UNC5D: variants seen among roughly 807,000 people sequenced by gnomAD.
UNC5D encodes netrin receptor UNC5D.
A neutral mutation model predicts 105.4 loss-of-function variants in UNC5D; 39 were observed. The ratio of observed to expected loss-of-function variants is 0.37; its 90% confidence interval spans 0.29 to 0.48. The LOEUF is 0.48. UNC5D is among the 20% of genes least tolerant of loss of function. UNC5D has a pLI of 0.98. For missense variants in UNC5D, 991 were observed against 1,202.4 expected (o/e 0.82, Z 2.60); for synonymous variants, 452 against 450.4 (o/e 1.00, Z -0.04).
At chr8:35,770,035 C>T (rs1260311283) in intron 15 of UNC5D, among the ~76,000 whole-genome samples, 3 of 151,830 alleles carry the variant, frequency 2.0e-5, no homozygotes, top group African/African-American at 2.4e-5. Flanking sequence ...AAAGTGAAGA[C>T]GCAAAAAGTG....
intron 1 of UNC5D, among the ~76,000 whole-genome samples, chr8:35,436,020 G>T (rs1292426866): frequency 6.6e-6 from 1 of 151,976 alleles, no homozygotes; most frequent in Non-Finnish European, 1.5e-5. Context: ...TATTAAAAGT[G>T]ATTCTTAAAT....
intron 4 of UNC5D, among the ~76,000 whole-genome samples, chr8:35,614,090 T>C (rs947344250): frequency 1.3e-5 from 2 of 152,248 alleles, no homozygotes; most frequent in Non-Finnish European, 2.9e-5. Flanking sequence ...ATCTGCACAC[T>C]GTCTTTGACT....
At position 35,324,998 on chromosome 8, in the gene UNC5D, A is replaced by T. The variant is rs547075686; in HGVS notation, c.103+89111A>T. Among the ~76,000 whole-genome samples, 3 of 152,314 alleles carry T rather than the reference A, an allele frequency of 2.0e-5. No homozygotes were observed. The East Asian group carries it at 5.8e-4, about 29-fold the overall frequency. On this transcript the variant is annotated intron_variant, in intron 1 of 16. Transcript: ENST00000404895. ...CAGCACAACAGAATCTGGGATAGTC[A>T]TATTTCTCAAAGTAGAAGCAACCTT...
chr8:35,750,443 A>T, intron 12 of UNC5D, 139 bp from the exon 13 acceptor site: 2 of 843,658 alleles, frequency 2.4e-6, no homozygotes, highest in Non-Finnish European at 3.8e-6. Flanking sequence ...AGGAACAGTT[A>T]ACATCGGGAT....
intron 11 of UNC5D, among the ~76,000 whole-genome samples, chr8:35,747,621 T>C (rs1830068857): frequency 6.6e-6 from 1 of 152,074 alleles, no homozygotes; most frequent in East Asian, 1.9e-4. Context: ...ACATATGCCA[T>C]TGGGGGAAAA....
At chr8:35,773,735 T>C (rs1201201400) in intron 15 of UNC5D, among the ~76,000 whole-genome samples, 13 of 152,198 alleles carry the variant, frequency 8.5e-5, no homozygotes, top group Non-Finnish European at 2.9e-5. Context: ...TTTTGTTTTT[T>C]GTTTGAGGCG....
intron 1 of UNC5D, among the ~76,000 whole-genome samples, chr8:35,324,525 AT>A (rs1221909442): frequency 6.6e-6 from 1 of 152,134 alleles, no homozygotes; most frequent in Non-Finnish European, 1.5e-5. Flanking sequence ...TAGATTTTAC[AT>A]TTTTTATTGT....
At chr8:35,343,913 G>A (rs941268723) in intron 1 of UNC5D, among the ~76,000 whole-genome samples, 6 of 152,062 alleles carry the variant, frequency 3.9e-5, no homozygotes, top group African/African-American at 1.4e-4. Flanking sequence ...TAACCTATAC[G>A]AGAATGTCTT....
rs147311010 is a variant in UNC5D at position 35,607,374 on chromosome 8, G to T, written c.570+11717G>T. ...CAGAAGTTTATTTTCCAACAGTTCT[G>T]GGGTAGAAGTCTGAAATCCAACAGC... On this transcript the variant is annotated intron_variant, in intron 4 of 16. Coordinates refer to ENST00000404895, the MANE Select transcript of UNC5D (RefSeq NM_080872.4). 2.5e-3 allele frequency among the ~76,000 whole-genome samples: 387 copies of T among 152,226 alleles called. 1 individual carries two copies. Among genetic ancestry groups the T allele is most frequent in the Non-Finnish European group, 4.5e-3 (308 of 68,022 alleles).
At chr8:35,480,564 CAAT>C (rs1156256854) in intron 1 of UNC5D, among the ~76,000 whole-genome samples, 1 of 152,062 alleles carries the variant, frequency 6.6e-6, no homozygotes, top group African/African-American at 2.4e-5. Flanking sequence ...CAAAACAAAA[CAAT>C]AATCATTATT....
At chr8:35,559,976 G>T (rs1372564112) in intron 2 of UNC5D, among the ~76,000 whole-genome samples, 1 of 152,034 alleles carries the variant, frequency 6.6e-6, no homozygotes, top group Non-Finnish European at 1.5e-5. Context: ...TTTAGTACAT[G>T]CAGAGCAATT....
intron 9 of UNC5D, among the ~76,000 whole-genome samples, chr8:35,723,727 TA>T (rs1022310522): frequency 1.3e-5 from 2 of 152,116 alleles, no homozygotes; most frequent in African/African-American, 4.8e-5. Context: ...TTATGCTACC[TA>T]AAAAACTAGA....
At chr8:35,415,743 T>G (rs1184620093) in intron 1 of UNC5D, among the ~76,000 whole-genome samples, 6 of 152,186 alleles carry the variant, frequency 3.9e-5, no homozygotes, top group African/African-American at 1.4e-4. Context: ...ACTAAGTATT[T>G]CCAAATATAT....
intron 4 of UNC5D, among the ~76,000 whole-genome samples, chr8:35,599,419 A>G (rs1411771922): frequency 6.6e-6 from 1 of 152,204 alleles, no homozygotes; most frequent in Admixed American, 6.5e-5. Context: ...TACATTATTT[A>G]GCCTTATTTA....
intron 1 of UNC5D, among the ~76,000 whole-genome samples, chr8:35,508,800 G>A (rs769397692): frequency 1.3e-5 from 2 of 152,120 alleles, no homozygotes; most frequent in Non-Finnish European, 2.9e-5. Context: ...GAGAGGGAGA[G>A]CACTGGAAAA....
chr8:35,323,660 A>G (rs1809925041), intron 1 of UNC5D, among the ~76,000 whole-genome samples: 1 of 152,154 alleles, frequency 6.6e-6, no homozygotes, highest in South Asian at 2.1e-4. Flanking sequence ...GTTTTCCTTA[A>G]AACAACCATA....
At chr8:35,435,726 A>G (rs1806962746) in intron 1 of UNC5D, among the ~76,000 whole-genome samples, 1 of 152,098 alleles carries the variant, frequency 6.6e-6, no homozygotes, top group African/African-American at 2.4e-5. Flanking sequence ...GTAAAACTTG[A>G]ATTTCAAGTG....
At chr8:35,440,328 G>C (rs970155263) in intron 1 of UNC5D, among the ~76,000 whole-genome samples, 3 of 151,946 alleles carry the variant, frequency 2.0e-5, no homozygotes, top group Admixed American at 6.6e-5. Flanking sequence ...CACTGTTAGC[G>C]AGTGCATTCT....
intron 13 of UNC5D, among the ~76,000 whole-genome samples, chr8:35,752,388 T>C (rs1389118932): frequency 6.6e-6 from 1 of 152,106 alleles, no homozygotes; most frequent in Non-Finnish European, 1.5e-5. Context: ...AAAACTCATG[T>C]TTACCAGTAG....
Sources: allele counts gnomAD v4.1 joint callset (sites outside exome capture counted in the v4.1 genomes callset), GRCh38; gene constraint gnomAD v4.1.1; transcripts MANE v1.5; gene names NCBI Gene and HGNC (gene_info 2026-07-23, HGNC 2026-07-21).